The following AP4E1 variants were observed in gnomAD, a reference collection of about 807,000 sequenced individuals.
The protein encoded by AP4E1 is adaptor related protein complex 4 subunit epsilon 1.
A neutral mutation model predicts 128.2 loss-of-function variants in AP4E1; 56 were observed. The observed-to-expected ratio is 0.44, with a 90% CI of 0.35 to 0.55. The LOEUF is 0.55. Among genes scored for constraint, AP4E1 ranks in the 20% least tolerant of loss-of-function variants. AP4E1 has a pLI of 0.00. For missense variants in AP4E1, 1,324 were observed against 1,307.7 expected (o/e 1.01, Z -0.19); for synonymous variants, 484 against 473.1 (o/e 1.02, Z -0.30).
chr15:50,934,532 G>T, intron 7 of AP4E1, 92 bp from the exon 8 acceptor site: 2 of 803,770 alleles, frequency 2.5e-6, no homozygotes, highest in South Asian at 1.5e-5. Context: ...CTTCTCTTCT[G>T]TAGATCCTCA....
At chr15:50,938,102 A>G (rs1437098122) in intron 8 of AP4E1, among the ~76,000 whole-genome samples, 1 of 152,144 alleles carries the variant, frequency 6.6e-6, no homozygotes, top group Non-Finnish European at 1.5e-5. Context: ...CATAAGACTC[A>G]GGAAGGTGGA....
intron 15 of AP4E1, among the ~76,000 whole-genome samples, chr15:50,973,969 A>G (rs2064517647): frequency 6.6e-6 from 1 of 152,012 alleles, no homozygotes; most frequent in Admixed American, 6.6e-5. Flanking sequence ...TAGTAGTTGT[A>G]TTTTTATTTA....
At chr15:50,966,531 C>CTT (rs11329556) in intron 14 of AP4E1, among the ~76,000 whole-genome samples, 451 of 96,322 alleles carry the variant, frequency 4.7e-3, no homozygotes, top group Non-Finnish European at 6.0e-3. Flanking sequence ...TCTCAAGAAT[C>CTT]TTTTTTTTTT....
chr15:50,908,563 C>G, upstream of AP4E1: 2 of 519,644 alleles, frequency 3.8e-6, no homozygotes, highest in Non-Finnish European at 6.2e-6. Flanking sequence ...CGCGCAATCT[C>G]GAGCGAGCGG....
At position 50,999,147 on chromosome 15, in the gene AP4E1, A is replaced by G; in HGVS notation, c.2980A>G (p.Ile994Val). ...STKSFQYSVQ[I>V]EKPFTEGNLT... is the part of the protein sequence containing the mutation. ...CAAAAGCTTTCAATATAGTGTGCAGATAGAAAAACCTTTTACAGAAGGAAA... is the reference window on the plus strand; with the variant it reads ...CAAAAGCTTTCAATATAGTGTGCAGGTAGAAAAACCTTTTACAGAAGGAAA... Residue 994 changes from isoleucine to valine, a missense_variant, in exon 19 of 21, where the codon ATA (isoleucine) becomes GTA (valine). Ile to Val is a conservative substitution (Grantham distance 29). Transcript: ENST00000261842. The G allele has an allele frequency of 6.2e-7, 1 of 1,614,068 alleles. No individual in the cohort carries two copies. The highest frequency in any genetic ancestry group is 1.1e-5 in the South Asian group (1 of 91,082).
rs532658217 is a variant in AP4E1, at chr15:50,962,598, C to T, written c.1851+3804C>T. Among the ~76,000 whole-genome samples, 4 of 151,934 alleles carry T rather than the reference C, an allele frequency of 2.6e-5. No individual in the cohort carries two copies. In the South Asian group the frequency reaches 8.3e-4, roughly 32 times the overall value. Reference sequence around the variant, plus strand: ...CCTATCTCTCACCATATAAAAAAATCAACCCACAATGAATTAAAGAATTTA... The same window carrying T: ...CCTATCTCTCACCATATAAAAAAATTAACCCACAATGAATTAAAGAATTTA... On this transcript the variant is annotated intron_variant, in intron 14 of 20. Coordinates refer to ENST00000261842, the MANE Select transcript of AP4E1 (RefSeq NM_007347.5).
intron 19 of AP4E1, among the ~76,000 whole-genome samples, chr15:51,000,496 C>CT (rs1167707186): frequency 1.3e-5 from 2 of 152,168 alleles, no homozygotes; most frequent in Non-Finnish European, 2.9e-5. Flanking sequence ...TATTACAGTA[C>CT]TGTATGCCTG....
rs147005786 is a variant in AP4E1, at chr15:50,915,479, T to C, written c.254T>C (p.Ile85Thr). ...ATGAAGGAATGTATGGTGAGACTTA[T>C]ATATTGTGAAATGCTTGGATATGAT... ...KMMKECMVRL[I>T]YCEMLGYDAS... The change falls in exon 3 of 21, where the codon ATA (isoleucine) becomes ACA (threonine). Residue 85 changes from isoleucine to threonine, a missense_variant. Transcript: ENST00000261842. The C allele has an allele frequency of 7.4e-5, 119 of 1,613,320 alleles. No individual in the cohort carries two copies. The highest frequency in any genetic ancestry group is 9.6e-5 in the Non-Finnish European group (113 of 1,179,588).
In AP4E1 at chr15:51,005,864, T is replaced by A. The variant is rs1396467646; in HGVS notation, c.*3202T>A. On this transcript the variant is annotated 3_prime_UTR_variant, in exon 21 of 21. Transcript: ENST00000261842. ...GTTGAATTCTGTCATTTGAAAAAGT[T>A]CAGTAATGTAATAAATACAAAGTGA... is the stretch of plus-strand genomic sequence containing the variant. 1.3e-5 allele frequency: 2 copies of A among 152,486 alleles called. No individual in the cohort carries two copies. The highest frequency in any genetic ancestry group is 6.5e-5 in the Admixed American group (1 of 15,282). The allele number at this position is 152,486 out of a possible 1,614,324, so 9.4% of individuals were successfully genotyped here.
In AP4E1 at chr15:50,999,253, A is replaced by G; in HGVS notation, c.3086A>G (p.Asp1029Gly). The G allele has an allele frequency of 6.2e-7, 1 of 1,610,230 alleles. No homozygotes were observed. Among genetic ancestry groups the G allele is most frequent in the Non-Finnish European group, 8.5e-7 (1 of 1,177,976 alleles). ...LEFSVNLSLLDFIRPLKISSD... is the reference protein window; with the variant it reads ...LEFSVNLSLLGFIRPLKISSD... ...TTTTCTGTAAACTTATCACTATTAG[A>G]TTTCATTAGGTAAATGTTTTGTGAA... is the stretch of plus-strand genomic sequence containing the variant. The change falls in exon 19 of 21, where the codon GAT becomes GGT. Residue 1029 changes from aspartate to glycine, a missense_variant. Transcript: ENST00000261842.
Position 51,002,485 on chromosome 15 carries a change from CT to C in AP4E1, c.3254-13del. On this transcript the variant is annotated splice_polypyrimidine_tract_variant and intron_variant, in intron 20 of 20. Transcript: ENST00000261842. ...TCCTTTTGCATTAAATCATTTTTCA[CT>C]TTTGTTTTGTTTTAGGCAATGAAGG... is the stretch of plus-strand genomic sequence containing the variant. 6.2e-7 allele frequency: 1 copy of C among 1,613,760 alleles called. No individual in the cohort carries two copies. The highest frequency in any genetic ancestry group is 8.5e-7 in the Non-Finnish European group (1 of 1,179,796).
chr15:50,945,309 G>A (rs1047007177), intron 10 of AP4E1: 8 of 781,064 alleles, frequency 1.0e-5, no homozygotes, highest in South Asian at 2.7e-5. Flanking sequence ...AAGTTTGTGC[G>A]TCTGACAGGA....
chr15:50,951,646 C>A (rs976057321), intron 13 of AP4E1, among the ~76,000 whole-genome samples: 2 of 150,994 alleles, frequency 1.3e-5, no homozygotes, highest in African/African-American at 4.9e-5. Context: ...AAAAATTTTT[C>A]TTTTCTCATC....
chr15:50,922,220 C>A (rs1005059453), intron 3 of AP4E1, among the ~76,000 whole-genome samples: 1 of 150,566 alleles, frequency 6.6e-6, no homozygotes, highest in African/African-American at 2.4e-5. Context: ...TTGGTCCCAG[C>A]TACTTGGGAG....
At position 51,001,613 on chromosome 15, in the gene AP4E1, C is replaced by T. The variant is rs148315505; in HGVS notation, c.3253+430C>T. Among the ~76,000 whole-genome samples the T allele has an allele frequency of 3.4e-3, 513 of 152,278 alleles. 4 individuals are homozygous for T. The highest frequency in any genetic ancestry group is 0.012 in the African/African-American group (495 of 41,556). On this transcript the variant is annotated intron_variant, in intron 20 of 20. Transcript: ENST00000261842. ...CTTATATAAGTGGAATCATACAATA[C>T]TTGTCCCTTTGTATCTGGCTTATTT...
chr15:50,926,548 T>A (rs186211647), intron 5 of AP4E1, among the ~76,000 whole-genome samples: 88 of 152,328 alleles, frequency 5.8e-4, no homozygotes, highest in Non-Finnish European at 9.6e-4. Flanking sequence ...TTACATACTT[T>A]AAATCAGTAT....
At chr15:50,948,610 T>A (rs2064098788) in intron 11 of AP4E1, among the ~76,000 whole-genome samples, 1 of 152,178 alleles carries the variant, frequency 6.6e-6, no homozygotes, top group Admixed American at 6.5e-5. Context: ...ATGTTACTCT[T>A]CTTCATGTTT....
At chr15:50,987,925 C>T (rs1261377788) in intron 16 of AP4E1, among the ~76,000 whole-genome samples, 1 of 151,962 alleles carries the variant, frequency 6.6e-6, no homozygotes, top group African/African-American at 2.4e-5. Flanking sequence ...TATGTACAAG[C>T]TTTATACGTA....
In AP4E1 at chr15:50,936,827, G is replaced by A. The variant is rs565254181; in HGVS notation, c.943+2130G>A. 1.5e-4 allele frequency among the ~76,000 whole-genome samples: 23 copies of A among 152,076 alleles called. No homozygotes were observed. In the East Asian group the frequency reaches 3.7e-3, roughly 24 times the overall value. On this transcript the variant is annotated intron_variant, in intron 8 of 20. Coordinates refer to ENST00000261842, the MANE Select transcript of AP4E1 (RefSeq NM_007347.5). ...CGTGTTCCTGTAATCCCAGCTACTC[G>A]GGAGGCTGATGCAGGAGAATTGCTT...
Sources: allele counts gnomAD v4.1 joint callset (sites outside exome capture counted in the v4.1 genomes callset), GRCh38; gene constraint gnomAD v4.1.1; transcripts MANE v1.5; gene names NCBI Gene and HGNC (gene_info 2026-07-23, HGNC 2026-07-21).